The following GRIP1 variants were observed in gnomAD, a reference collection of about 807,000 sequenced individuals.
GRIP1 encodes glutamate receptor interacting protein 1.
A neutral mutation model predicts 129.9 loss-of-function variants in GRIP1; 45 were observed. That is an observed-to-expected ratio of 0.35 (90% CI 0.27 to 0.44). The LOEUF (loss-of-function observed/expected upper bound fraction) is 0.44, where lower values mean the gene tolerates loss of function less well. Ranked by LOEUF, GRIP1 falls within the 20% of genes least tolerant of loss-of-function variation. GRIP1 has a pLI of 1.00. For missense variants in GRIP1, 1,196 were observed against 1,396.8 expected, an observed-to-expected ratio of 0.86 and a Z score of 2.29; for synonymous variants, 530 against 520.8, an observed-to-expected ratio of 1.02 and a Z score of -0.24.
Position 66,710,398 on chromosome 12 carries a change from T to A in GRIP1, c.-419-80062A>T, listed in dbSNP as rs116090458. On this transcript the variant is annotated intron_variant, in intron 1 of 4. Transcript: ENST00000538373. ...ACTGAGAAGTACTCTATGGTTATCCTTTTTATGGGAAACAAGCAGGTCAGC... is the reference window on the plus strand; with the variant it reads ...ACTGAGAAGTACTCTATGGTTATCCATTTTATGGGAAACAAGCAGGTCAGC... Among the ~76,000 whole-genome samples the A allele has an allele frequency of 8.4e-3, 1,281 of 152,168 alleles. 20 individuals are homozygous for A. Among genetic ancestry groups the A allele is most frequent in the African/African-American group, 0.028 (1,183 of 41,562 alleles).
intron 1 of GRIP1, among the ~76,000 whole-genome samples, chr12:66,692,980 C>A (rs1395703650): frequency 6.6e-6 from 1 of 152,180 alleles, no homozygotes; most frequent in Non-Finnish European, 1.5e-5. Flanking sequence ...TGTAACCTAA[C>A]TTCATAGGGT....
intron 1 of GRIP1, among the ~76,000 whole-genome samples, chr12:66,706,121 C>A (rs1276400853): frequency 6.6e-6 from 1 of 152,128 alleles, no homozygotes; most frequent in African/African-American, 2.4e-5. Flanking sequence ...AACAAGCAAC[C>A]TACAGAATGG....
At chr12:66,902,729 T>A (rs1333992973) in intron 1 of GRIP1, among the ~76,000 whole-genome samples, 1 of 152,224 alleles carries the variant, frequency 6.6e-6, no homozygotes, top group East Asian at 1.9e-4. Context: ...CACTTAGACA[T>A]CATTTAATAT....
At chr12:66,571,380 A>C (rs1176830685) in intron 2 of GRIP1, among the ~76,000 whole-genome samples, 1 of 152,192 alleles carries the variant, frequency 6.6e-6, no homozygotes, top group Non-Finnish European at 1.5e-5. Flanking sequence ...GTGTTTGTTT[A>C]ATCTTTGTTA....
chr12:66,577,468 G>C (rs2139566757), intron 2 of GRIP1, among the ~76,000 whole-genome samples: 1 of 152,262 alleles, frequency 6.6e-6, no homozygotes, highest in Admixed American at 6.5e-5. Context: ...GTTTATTAGA[G>C]AAAGATCAGT....
chr12:66,733,184 G>A (rs1007715497), intron 1 of GRIP1, among the ~76,000 whole-genome samples: 1 of 152,036 alleles, frequency 6.6e-6, no homozygotes, highest in Admixed American at 6.5e-5. Flanking sequence ...TATTTACTGT[G>A]GGAAAATAAC....
At chr12:66,572,153 G>A (rs1237191961) in intron 2 of GRIP1, among the ~76,000 whole-genome samples, 5 of 152,126 alleles carry the variant, frequency 3.3e-5, no homozygotes, top group African/African-American at 7.2e-5. Flanking sequence ...CAGAAACAGC[G>A]GAGGCACATG....
At chr12:66,379,682 G>T (rs2056009243) in intron 19 of GRIP1, among the ~76,000 whole-genome samples, 1 of 152,174 alleles carries the variant, frequency 6.6e-6, no homozygotes, top group Non-Finnish European at 1.5e-5. Flanking sequence ...TGAGGACACG[G>T]ACGGCTTAGA....
intron 1 of GRIP1, among the ~76,000 whole-genome samples, chr12:66,752,918 CAAAAAT>C (rs2037171980): frequency 6.6e-6 from 1 of 152,048 alleles, no homozygotes; most frequent in African/African-American, 2.4e-5. Flanking sequence ...ACATCTATTT[CAAAAAT>C]AAATTTTAGC....
At chr12:66,924,773 C>T (rs967393262) in intron 1 of GRIP1, among the ~76,000 whole-genome samples, 49 of 152,140 alleles carry the variant, frequency 3.2e-4, no homozygotes, top group Non-Finnish European at 1.0e-4. Flanking sequence ...CGAGACCATC[C>T]TGGCTAACAC....
chr12:66,867,252 G>A (rs906511620), intron 1 of GRIP1, among the ~76,000 whole-genome samples: 1 of 152,076 alleles, frequency 6.6e-6, no homozygotes, highest in Non-Finnish European at 1.5e-5. Context: ...GCCTCCCAAA[G>A]TGTTGGGATT....
intron 19 of GRIP1, among the ~76,000 whole-genome samples, chr12:66,391,003 TATC>T (rs1426939365): frequency 6.6e-6 from 1 of 152,246 alleles, no homozygotes; most frequent in Non-Finnish European, 1.5e-5. Context: ...AACTTTGAAA[TATC>T]ATCTCCTTTC....
chr12:66,469,202 C>A (rs145040970), intron 7 of GRIP1, among the ~76,000 whole-genome samples: 1 of 152,122 alleles, frequency 6.6e-6, no homozygotes, highest in Non-Finnish European at 1.5e-5. Context: ...CTCCCTTAGA[C>A]CTCATTTTCT....
chr12:67,036,941 C>G (rs1424036562), intron 1 of GRIP1, among the ~76,000 whole-genome samples: 1 of 151,924 alleles, frequency 6.6e-6, no homozygotes, highest in Non-Finnish European at 1.5e-5. Context: ...TTTCTTGAAG[C>G]ATGAAAAACC....
At chr12:66,862,324 T>C (rs1346767544) in intron 1 of GRIP1, among the ~76,000 whole-genome samples, 1 of 152,048 alleles carries the variant, frequency 6.6e-6, no homozygotes, top group Non-Finnish European at 1.5e-5. Flanking sequence ...CACAAAATCC[T>C]AATGGTGATG....
At chr12:66,616,962 C>G (rs1393560158) in intron 1 of GRIP1, among the ~76,000 whole-genome samples, 2 of 151,954 alleles carry the variant, frequency 1.3e-5, no homozygotes, top group Non-Finnish European at 2.9e-5. Context: ...ATCACAAGGG[C>G]CTCGGGCGTG....
chr12:66,987,670 G>C (rs1288433345), intron 1 of GRIP1, among the ~76,000 whole-genome samples: 1 of 152,180 alleles, frequency 6.6e-6, no homozygotes, highest in Non-Finnish European at 1.5e-5. Context: ...CTTGAGCCTG[G>C]TTTTTTCAAC....
intron 1 of GRIP1, among the ~76,000 whole-genome samples, chr12:67,056,714 A>G (rs923776919): frequency 6.6e-6 from 1 of 152,208 alleles, no homozygotes; most frequent in African/African-American, 2.4e-5. Flanking sequence ...CAAAAGGATC[A>G]ATTTCTAAAC....
At chr12:66,458,966 C>G (rs571299498) in intron 9 of GRIP1, among the ~76,000 whole-genome samples, 1 of 152,348 alleles carries the variant, frequency 6.6e-6, no homozygotes, top group East Asian at 1.9e-4. Flanking sequence ...GCTGCCCTCC[C>G]CATGCTATCT....
Sources: allele counts gnomAD v4.1 joint callset (sites outside exome capture counted in the v4.1 genomes callset), GRCh38; gene constraint gnomAD v4.1.1; transcripts MANE v1.5; gene names NCBI Gene and HGNC (gene_info 2026-07-23, HGNC 2026-07-21).